The following WDR5 variants were observed in gnomAD, a reference collection of about 807,000 sequenced individuals.
The protein encoded by WDR5 is WD repeat domain 5, also known as WD repeat-containing protein 5.
For missense variants in WDR5, 187 were observed against 416.9 expected (o/e 0.45, Z 4.80); for synonymous variants, 144 against 161.6 (o/e 0.89, Z 0.83).
At chr9:134,142,917 G>A (rs942681008) in intron 7 of WDR5, among the ~76,000 whole-genome samples, 198 bp downstream of exon 7, 42 of 152,196 alleles carry the variant, frequency 2.8e-4, no homozygotes, top group African/African-American at 1.0e-3. Context: ...GTGGAGGGAT[G>A]GCGAGGGGGT....
chr9:134,144,628 C>T (rs1832074683), intron 7 of WDR5, among the ~76,000 whole-genome samples: 1 of 152,086 alleles, frequency 6.6e-6, no homozygotes, highest in African/African-American at 2.4e-5. Flanking sequence ...TCCCATGAGA[C>T]TAGGAGTTTG....
chr9:134,153,598 C>T (rs1043342994), intron 9 of WDR5, among the ~76,000 whole-genome samples: 5 of 152,260 alleles, frequency 3.3e-5, no homozygotes, highest in South Asian at 2.1e-4. Context: ...CTCACAGCGT[C>T]TCCCGTGCCT....
chr9:134,155,090 C>T (rs762523333), intron 10 of WDR5, among the ~76,000 whole-genome samples: 64 of 152,310 alleles, frequency 4.2e-4, no homozygotes, highest in Middle Eastern at 3.4e-3. Flanking sequence ...ACGATAACAC[C>T]CATCAGCTTC....
At position 134,142,416 on chromosome 9, in the gene WDR5, A is replaced by G. The variant is rs765936836; in HGVS notation, c.438A>G (p.Ser146=). 8 of 1,614,094 alleles carry G rather than the reference A, an allele frequency of 5.0e-6. No homozygotes were observed. The South Asian group carries it at 8.8e-5, about 18-fold the overall frequency. ...ATCCCCAGTCCAACCTTATTGTCTC[A>G]GGATCCGTAAGTGTGGCTGGGGTGT... is the stretch of plus-strand genomic sequence containing the variant. The part of the protein sequence containing the change: ...NFNPQSNLIV[S]GSFDESVRIW... Residue 146 remains serine, a synonymous_variant, in exon 6 of 14, where the codon TCA becomes TCG. Transcript: ENST00000358625.
chr9:134,145,096 G>GTTTTTTTTTTTTTTTTTTTTTT (rs56864188), intron 7 of WDR5, among the ~76,000 whole-genome samples: 1 of 104,664 alleles, frequency 9.6e-6, no homozygotes, highest in Non-Finnish European at 1.8e-5. Context: ...GTGGGGCTTT[G>GTTTTTTTTTTTTTTTTTTTTTT]TTTTTTTTTT....
At chr9:134,149,849 T>TCCG (rs1832406590) in intron 8 of WDR5, among the ~76,000 whole-genome samples, 1 of 152,148 alleles carries the variant, frequency 6.6e-6, no homozygotes. Flanking sequence ...GTCAGAAGCC[T>TCCG]CCGTCCAGCC....
rs573141511 is a variant in WDR5, at chr9:134,136,935, C to T, written c.-59+735C>T. Reference sequence around the variant, plus strand: ...TGACCTGGGCAGGTGCTGTCCTAGCCGGTGGGGAAGACAGGAAAGCGAAGG... The same window carrying T: ...TGACCTGGGCAGGTGCTGTCCTAGCTGGTGGGGAAGACAGGAAAGCGAAGG... On this transcript the variant is annotated intron_variant, in intron 1 of 13. Transcript: ENST00000358625. 9.9e-5 allele frequency among the ~76,000 whole-genome samples: 15 copies of T among 152,270 alleles called. No homozygotes were observed. The East Asian group carries it at 2.3e-3, about 24-fold the overall frequency.
At chr9:134,151,639 C>G (rs987862864) in intron 8 of WDR5, among the ~76,000 whole-genome samples, 1 of 152,184 alleles carries the variant, frequency 6.6e-6, no homozygotes, top group African/African-American at 2.4e-5. Flanking sequence ...CTGCGAGAAG[C>G]ACTGGGCTGC....
rs1588182293 is a variant in WDR5, at chr9:134,157,144, C to T, written c.904+551C>T. On this transcript the variant is annotated intron_variant, in intron 13 of 13. Transcript: ENST00000358625. This position sits in a 1 kb window ranked among gnomAD's most constrained non-coding sequence, Gnocchi z 5.0. Reference sequence around the variant, plus strand: ...CCCTGCATTTCCACGTCTCATGGAGCCAACGAGAGCAGGGGGTTCGAGCCC... The same window carrying T: ...CCCTGCATTTCCACGTCTCATGGAGTCAACGAGAGCAGGGGGTTCGAGCCC... Among the ~76,000 whole-genome samples the T allele has an allele frequency of 6.6e-6, 1 of 152,308 alleles. No individual in the cohort carries two copies. The highest frequency in any genetic ancestry group is 2.1e-4 in the South Asian group (1 of 4,828).
intron 10 of WDR5, among the ~76,000 whole-genome samples, chr9:134,154,834 C>T (rs576578323): frequency 1.1e-3 from 174 of 152,340 alleles, no homozygotes; most frequent in Non-Finnish European, 1.8e-3. Context: ...GTCGGCGGTC[C>T]GGGGGCCTCC....
intron 8 of WDR5, among the ~76,000 whole-genome samples, chr9:134,150,902 A>G (rs183612410): frequency 6.6e-6 from 1 of 152,296 alleles, no homozygotes; most frequent in East Asian, 1.9e-4. Flanking sequence ...AGATGGGGAA[A>G]ATGTTTCCAT....
intron 7 of WDR5, among the ~76,000 whole-genome samples, chr9:134,143,042 C>T (rs1329659028): frequency 1.3e-5 from 2 of 149,100 alleles, no homozygotes; most frequent in Non-Finnish European, 3.0e-5. Flanking sequence ...ATGCACGGGA[C>T]AGGAAGGGCG....
intron 1 of WDR5, among the ~76,000 whole-genome samples, chr9:134,136,462 A>C (rs1478812590): frequency 2.6e-5 from 4 of 151,822 alleles, no homozygotes; most frequent in African/African-American, 9.7e-5. Flanking sequence ...ACCGCTGACA[A>C]GGCCAGAGCG....
intron 7 of WDR5, among the ~76,000 whole-genome samples, chr9:134,147,608 C>G (rs966987337): frequency 1.3e-5 from 2 of 152,168 alleles, no homozygotes; most frequent in Admixed American, 6.5e-5. Flanking sequence ...CAACCTCAGT[C>G]CCATCCCCGA....
At chr9:134,142,872 G>T (rs183024797) in intron 7 of WDR5, among the ~76,000 whole-genome samples, 153 bp downstream of exon 7, 348 of 152,344 alleles carry the variant, frequency 2.3e-3, no homozygotes, top group Admixed American at 4.2e-3. Context: ...CAATCAGGTT[G>T]GAGGCTGGGA....
At chr9:134,145,548 T>G (rs1832149450) in intron 7 of WDR5, among the ~76,000 whole-genome samples, 1 of 152,262 alleles carries the variant, frequency 6.6e-6, no homozygotes, top group Non-Finnish European at 1.5e-5. Flanking sequence ...GCATCCTGTT[T>G]GCATCTGTGG....
rs748579977 is a variant in WDR5, at chr9:134,152,022, G to A, written c.624G>A (p.Thr208=). ...WDTASGQCLK[T]LIDDDNPPVS... ...CCGCCTCAGGCCAGTGCCTGAAGAC[G>A]CTCATCGGTGAGTGTGGCTCTGTGT... Residue 208 remains threonine (T), a synonymous_variant, in exon 9 of 14, where the codon ACG becomes ACA. Transcript: ENST00000358625. 2.7e-5 allele frequency: 43 copies of A among 1,613,896 alleles called. No homozygotes were observed. Among genetic ancestry groups the A allele is most frequent in the Middle Eastern group, 1.6e-4 (1 of 6,080 alleles).
intron 7 of WDR5, among the ~76,000 whole-genome samples, chr9:134,143,070 A>G (rs1385071433): frequency 7.8e-6 from 1 of 127,594 alleles, no homozygotes; most frequent in East Asian, 2.6e-4. Context: ...TGGGAAGGGC[A>G]CTGGGAGTGG....
intron 1 of WDR5, among the ~76,000 whole-genome samples, chr9:134,138,328 G>T (rs1455065232): frequency 1.5e-5 from 2 of 132,158 alleles, no homozygotes; most frequent in African/African-American, 5.1e-5. Context: ...AGTTCACTCA[G>T]CTCTGGCCCT....
Sources: gnomAD v4.1 joint callset for allele counts (sites outside exome capture counted in the v4.1 genomes callset) on GRCh38, gnomAD v4.1.1 for gene constraint, Gnocchi (gnomAD v3.1) non-coding constraint, MANE v1.5 for transcripts, NCBI Gene and HGNC (gene_info 2026-07-23, HGNC 2026-07-21) for gene names.